The following HOXB13 variants were observed in gnomAD, a reference collection of about 807,000 sequenced individuals.
The protein encoded by HOXB13 is homeobox B13, also known as homeobox protein Hox-B13.
In HOXB13, 22 loss-of-function variants were observed where a neutral mutation model predicts 23.1. The ratio of observed to expected loss-of-function variants is 0.95; its 90% CI spans 0.68 to 1.36. The LOEUF (loss-of-function observed/expected upper bound fraction) is 1.36. Among genes scored for constraint, HOXB13 ranks in the 40% most tolerant of loss-of-function variants. HOXB13 has a pLI of 0.00. For missense variants in HOXB13, 386 were observed against 376.2 expected, an observed-to-expected ratio of 1.03 and a Z score of -0.22; for synonymous variants, 173 against 157.9, an observed-to-expected ratio of 1.10 and a Z score of -0.72.
At chr17:48,727,892 C>T (rs2038227126) in intron 1 of HOXB13, 101 bp downstream of exon 1, 1 of 1,410,326 alleles carries the variant, frequency 7.1e-7, no homozygotes, top group South Asian at 1.3e-5. Context: ...CAAGCTCATC[C>T]TCACCAGCTC....
chr17:48,727,970 G>A (rs759189142), intron 1 of HOXB13, 23 bp downstream of exon 1: 1 of 1,601,916 alleles, frequency 6.2e-7, no homozygotes, highest in South Asian at 1.1e-5. Flanking sequence ...CAGAGACAAG[G>A]GGACCCAGGG....
rs61748976 is a variant in HOXB13, at chr17:48,728,634, C to A, written c.-41G>T. 71 of 1,603,512 alleles carry A rather than the reference C, an allele frequency of 4.4e-5. No homozygotes were observed. The highest frequency in any genetic ancestry group is 6.0e-5 in the Non-Finnish European group (70 of 1,176,338). On this transcript the variant is annotated 5_prime_UTR_variant, in exon 1 of 2. Coordinates refer to ENST00000290295, the MANE Select transcript of HOXB13 (RefSeq NM_006361.6). ...CTCATGAGGTGCGGGGGCGGGGAATCTAGGGGGCACCCAGCTCGCTCTCCC... is the reference window on the plus strand; with the variant it reads ...CTCATGAGGTGCGGGGGCGGGGAATATAGGGGGCACCCAGCTCGCTCTCCC...
At chr17:48,727,214 C>T (rs924083552) in intron 1 of HOXB13, among the ~76,000 whole-genome samples, 171 bp from the exon 2 acceptor site, 1 of 152,132 alleles carries the variant, frequency 6.6e-6, no homozygotes, top group African/African-American at 2.4e-5. Context: ...CCCTGGCTTC[C>T]GGCTTGTTCT....
chr17:48,726,795 G>A lies in HOXB13; in HGVS notation c.850C>T (p.Pro284Ser), dbSNP rs1196605977. The stretch of plus-strand genomic sequence containing the variant: ...CACCCAGGCAAGGAGATCTCTTAAG[G>A]GGTAGCGCTGTTCTTCACCTTGGCG... ...VLAKVKNSAT[P>S] is the part of the protein sequence containing the mutation. The change falls in exon 2 of 2, where the codon CCT (proline) becomes TCT (serine). Residue 284 changes from proline to serine, a missense_variant. By Grantham distance (74) the Pro-to-Ser change is moderately conservative. Transcript: ENST00000290295. 1.2e-6 allele frequency: 2 copies of A among 1,613,952 alleles called. No individual in the cohort carries two copies. The highest frequency in any genetic ancestry group is 1.7e-5 in the Admixed American group (1 of 60,010).
intron 1 of HOXB13, 50 bp from the exon 2 acceptor site, chr17:48,727,093 C>T (rs772259898): frequency 4.4e-6 from 7 of 1,589,102 alleles, no homozygotes; most frequent in East Asian, 2.2e-5. Context: ...GATACCCACC[C>T]ATGCAGACCC....
intron 1 of HOXB13, among the ~76,000 whole-genome samples, chr17:48,727,310 A>G (rs2038222392): frequency 6.6e-6 from 1 of 151,958 alleles, no homozygotes; most frequent in Non-Finnish European, 1.5e-5. Flanking sequence ...ATACCCACAC[A>G]CCACACACAG....
At position 48,728,744 on chromosome 17, in the gene HOXB13, G is replaced by A. The variant is rs2038246558; in HGVS notation, c.-151C>T. 2 of 706,040 alleles carry A rather than the reference G, an allele frequency of 2.8e-6. No individual in the cohort carries two copies. Among genetic ancestry groups the A allele is most frequent in the Non-Finnish European group, 4.7e-6 (2 of 429,742 alleles). The allele number at this position is 706,040 out of a possible 1,614,324, so 43.7% of individuals were successfully genotyped here. On this transcript the variant is annotated 5_prime_UTR_variant, in exon 1 of 2. Transcript: ENST00000290295. The stretch of plus-strand genomic sequence containing the variant: ...ATTCGCTCAGCACGGCCGTCTTGAC[G>A]CAAGAGACGCAGGGGCCCGGGCACG...
In HOXB13 at chr17:48,728,314, G is replaced by C. The variant is rs1597934593; in HGVS notation, c.280C>G (p.Arg94Gly). The C allele has an allele frequency of 6.2e-7, 1 of 1,614,070 alleles. No individual in the cohort carries two copies. The highest frequency in any genetic ancestry group is 1.1e-5 in the South Asian group (1 of 91,088). Residue 94 changes from arginine (R) to glycine (G), a missense_variant, in exon 1 of 2, where the codon CGG (arginine) becomes GGG (glycine). Coordinates refer to ENST00000290295, the MANE Select transcript of HOXB13 (RefSeq NM_006361.6). ...TGGGCACAGGGTTTCAGCGAGCTCC[G>C]GGACACTCGGCAGGAGTAGTACCCG... ...GGGYYSCRVSRSSLKPCAQAA... is the reference protein window; with the variant it reads ...GGGYYSCRVSGSSLKPCAQAA...
At position 48,728,192 on chromosome 17, in the gene HOXB13, C is replaced by G. The variant is rs2143072320; in HGVS notation, c.402G>C (p.Pro134=). ...AACTGGCCATAGGCTGGTAGGTTCCCGGATATCCCGGATAGAAGGCAAACT... is the reference window on the plus strand; with the variant it reads ...AACTGGCCATAGGCTGGTAGGTTCCGGGATATCCCGGATAGAAGGCAAACT... ...PTEFAFYPGY[P]GTYQPMASYL... is the part of the protein sequence containing the mutation. Residue 134 remains proline (P), a synonymous_variant, in exon 1 of 2, where the codon CCG becomes CCC. Transcript: ENST00000290295. The G allele has an allele frequency of 6.2e-7, 1 of 1,614,176 alleles. No homozygotes were observed. Among genetic ancestry groups the G allele is most frequent in the Non-Finnish European group, 8.5e-7 (1 of 1,180,042 alleles).
Position 48,726,449 on chromosome 17 carries a change from A to C in HOXB13, c.*341T>G, listed in dbSNP as rs1277615814. On this transcript the variant is annotated 3_prime_UTR_variant, in exon 2 of 2. Coordinates refer to ENST00000290295, the MANE Select transcript of HOXB13 (RefSeq NM_006361.6). ...GCTCAATTCATGAAAGCGGTTTCTAAAGTGCTCTACAGAGCTCTAGATAGA... is the reference window on the plus strand; with the variant it reads ...GCTCAATTCATGAAAGCGGTTTCTACAGTGCTCTACAGAGCTCTAGATAGA... 1 of 254,562 alleles carries C rather than the reference A, an allele frequency of 3.9e-6. No homozygotes were observed. Among genetic ancestry groups the C allele is most frequent in the Non-Finnish European group, 7.5e-6 (1 of 133,414 alleles). The allele number at this position is 254,562 out of a possible 1,614,324, so 15.8% of individuals were successfully genotyped here. A position where few individuals can be genotyped will look rare whatever the true frequency, so the allele number is the denominator to read the frequency against.
rs199799743 is a variant in HOXB13, at chr17:48,728,472, G to T, written c.122C>A (p.Thr41Lys). The T allele has an allele frequency of 1.2e-6, 2 of 1,613,220 alleles. No homozygotes were observed. The highest frequency in any genetic ancestry group is 2.2e-5 in the South Asian group (2 of 91,016). ...GGCATAGTTGACAGCAGGCATCAGC[G>T]TAGGCGCCGCTGGGTGGCTGGTCAG... The part of the protein sequence containing the change: ...SPLTSHPAAP[T>K]LMPAVNYAPL... The change falls in exon 1 of 2, where the codon ACG becomes AAG. Residue 41 changes from threonine (T) to lysine (K), a missense_variant. By Grantham distance (78) the Thr-to-Lys change is moderately conservative. Coordinates refer to ENST00000290295, the MANE Select transcript of HOXB13 (RefSeq NM_006361.6).
In HOXB13 at chr17:48,728,390, C is replaced by G. The variant is rs1460312327; in HGVS notation, c.204G>C (p.Gly68=). The G allele has an allele frequency of 4.3e-6, 7 of 1,613,786 alleles. No homozygotes were observed. Among genetic ancestry groups the G allele is most frequent in the Non-Finnish European group, 5.9e-6 (7 of 1,179,976 alleles). The stretch of plus-strand genomic sequence containing the variant: ...GAGCTGGGGACGTCCCCTGGGGCAC[C>G]CCAGGGCATGGGTGGCATTGCTTTG... ...EPPKQCHPCP[G]VPQGTSPAPV... is the part of the protein sequence containing the mutation. Residue 68 remains glycine (G), a synonymous_variant, in exon 1 of 2, where the codon GGG becomes GGC. Coordinates refer to ENST00000290295, the MANE Select transcript of HOXB13 (RefSeq NM_006361.6).
rs2038240305 is a variant in HOXB13, at chr17:48,728,451, T to C, written c.143A>G (p.Tyr48Cys). The change falls in exon 1 of 2, where the codon TAT (tyrosine) becomes TGT (cysteine). Residue 48 changes from tyrosine (Y) to cysteine (C), a missense_variant. By Grantham distance (194) the Tyr-to-Cys change is radical. Coordinates refer to ENST00000290295, the MANE Select transcript of HOXB13 (RefSeq NM_006361.6). Reference protein sequence around the residue: ...AAPTLMPAVNYAPLDLPGSAE... With the variant: ...AAPTLMPAVNCAPLDLPGSAE... ...CGAGCCTGGCAGATCCAAGGGGGCA[T>C]AGTTGACAGCAGGCATCAGCGTAGG... 1 of 1,613,144 alleles carries C rather than the reference T, an allele frequency of 6.2e-7. No homozygotes were observed. The highest frequency in any genetic ancestry group is 1.3e-5 in the African/African-American group (1 of 74,904).
chr17:48,727,307 C>T (rs2038222353), intron 1 of HOXB13, among the ~76,000 whole-genome samples: 1 of 152,196 alleles, frequency 6.6e-6, no homozygotes, highest in Admixed American at 6.5e-5. Flanking sequence ...AACATACCCA[C>T]ACACCACACA....
chr17:48,727,033 C>T lies in HOXB13; in HGVS notation c.612G>A (p.Gly204=). 1 of 1,607,030 alleles carries T rather than the reference C, an allele frequency of 6.2e-7. No individual in the cohort carries two copies. Among genetic ancestry groups the T allele is most frequent in the East Asian group, 2.2e-5 (1 of 44,868 alleles). ...FWKAAFADSS[G]QHPPDACAFR... Reference sequence around the variant, plus strand: ...AGGCGCAGGCGTCAGGAGGGTGCTGCCCGCTGGAGTCTGCGCGGCGTGAAA... The same window carrying T: ...AGGCGCAGGCGTCAGGAGGGTGCTGTCCGCTGGAGTCTGCGCGGCGTGAAA... Residue 204 remains glycine, a synonymous_variant, in exon 2 of 2, where the codon GGG becomes GGA. Coordinates refer to ENST00000290295, the MANE Select transcript of HOXB13 (RefSeq NM_006361.6).
rs1344775564 is a variant in HOXB13 at position 48,726,560 on chromosome 17, G to A, written c.*230C>T. On this transcript the variant is annotated 3_prime_UTR_variant, in exon 2 of 2. Coordinates refer to ENST00000290295, the MANE Select transcript of HOXB13 (RefSeq NM_006361.6). ...GGATGAATGATTATGACTGGGCCAGGTTCTTTGGGAACCCTGGTGGAGTGG... is the reference window on the plus strand; with the variant it reads ...GGATGAATGATTATGACTGGGCCAGATTCTTTGGGAACCCTGGTGGAGTGG... 3.5e-6 allele frequency: 2 copies of A among 574,062 alleles called. No homozygotes were observed. The highest frequency in any genetic ancestry group is 6.2e-6 in the Non-Finnish European group (2 of 323,140). The allele number at this position is 574,062 out of a possible 1,614,324, so 35.6% of individuals were successfully genotyped here.
rs558745274 is a variant in HOXB13 at position 48,726,168 on chromosome 17, G to A, written c.*622C>T. 6.6e-6 allele frequency: 1 copy of A among 152,352 alleles called. No homozygotes were observed. Among genetic ancestry groups the A allele is most frequent in the Admixed American group, 6.5e-5 (1 of 15,298 alleles). The allele number at this position is 152,352 out of a possible 1,614,324, so 9.4% of individuals were successfully genotyped here. On this transcript the variant is annotated 3_prime_UTR_variant, in exon 2 of 2. Transcript: ENST00000290295. ...ACGACAGAAAAATCATCGTATTAAGGATGGGTGCTTCCAAGACCAGTGGGT... is the reference window on the plus strand; with the variant it reads ...ACGACAGAAAAATCATCGTATTAAGAATGGGTGCTTCCAAGACCAGTGGGT...
rs745306184 is a variant in HOXB13 at position 48,728,425 on chromosome 17, C to G, written c.169G>C (p.Ala57Pro). ...GGGTGGCATTGCTTTGGCGGCTCCG[C>G]CGAGCCTGGCAGATCCAAGGGGGCA... is the stretch of plus-strand genomic sequence containing the variant. ...NYAPLDLPGS[A>P]EPPKQCHPCP... The change falls in exon 1 of 2, where the codon GCG becomes CCG. Residue 57 changes from alanine to proline, a missense_variant. By Grantham distance (27) the Ala-to-Pro change is conservative. Coordinates refer to ENST00000290295, the MANE Select transcript of HOXB13 (RefSeq NM_006361.6). The G allele has an allele frequency of 1.2e-6, 2 of 1,613,348 alleles. No homozygotes were observed. Among genetic ancestry groups the G allele is most frequent in the Non-Finnish European group, 8.5e-7 (1 of 1,179,822 alleles).
At chr17:48,727,757 T>C (rs1314322888) in intron 1 of HOXB13, among the ~76,000 whole-genome samples, 1 of 152,194 alleles carries the variant, frequency 6.6e-6, no homozygotes, top group Admixed American at 6.5e-5. Context: ...CAGGGCCTCC[T>C]GGAGAAGTGA....
Sources: gnomAD v4.1 joint callset for allele counts (sites outside exome capture counted in the v4.1 genomes callset) on GRCh38, gnomAD v4.1.1 for gene constraint, MANE v1.5 for transcripts, NCBI Gene and HGNC (gene_info 2026-07-23, HGNC 2026-07-21) for gene names.